SOX6: variants seen among roughly 807,000 people sequenced by gnomAD.
The protein encoded by SOX6 is transcription factor SOX-6.
SOX6 carries 11 observed loss-of-function variants against 97.8 expected under a neutral mutation model. That is an observed-to-expected ratio of 0.11 (90% confidence interval 0.07 to 0.19). The LOEUF (loss-of-function observed/expected upper bound fraction) is 0.19. Among genes scored for constraint, SOX6 ranks in the 10% least tolerant of loss-of-function variants. The probability of loss-of-function intolerance (pLI) is 1.00; values close to 1 mark genes in which losing one functional copy is unlikely to be tolerated. For synonymous variants in SOX6, 360 were observed against 371.4 expected, an observed-to-expected ratio of 0.97 and a Z score of 0.35; for missense variants, 810 against 1,039.5, an observed-to-expected ratio of 0.78 and a Z score of 3.04.
chr11:16,517,394 T>C (rs60406205), intron 4 of SOX6, among the ~76,000 whole-genome samples: 22,637 of 152,002 alleles, frequency 0.15, 1,764 homozygotes, highest in Non-Finnish European at 0.16. Flanking sequence ...AAATTGTCCC[T>C]GTTTGCAGAC....
At chr11:16,269,722 C>A (rs1854192192) in intron 3 of SOX6, among the ~76,000 whole-genome samples, 1 of 150,916 alleles carries the variant, frequency 6.6e-6, no homozygotes, top group Non-Finnish European at 1.5e-5. Context: ...GTTTTTTCTA[C>A]CATTAATTAT....
intron 6 of SOX6, among the ~76,000 whole-genome samples, chr11:16,136,363 T>TTG (rs1849963111): frequency 7.4e-6 from 1 of 135,860 alleles, no homozygotes; most frequent in Non-Finnish European, 1.6e-5. Flanking sequence ...TTTTTTTTTT[T>TTG]GACATAATGC....
chr11:16,068,649 A>G (rs185832588), intron 9 of SOX6, among the ~76,000 whole-genome samples: 1 of 152,244 alleles, frequency 6.6e-6, no homozygotes, highest in East Asian at 1.9e-4. Context: ...TTTATTCCCA[A>G]GTAAATCTCC....
At chr11:16,624,839 G>C (rs796275916) in intron 3 of SOX6, among the ~76,000 whole-genome samples, 1 of 152,136 alleles carries the variant, frequency 6.6e-6, no homozygotes, top group South Asian at 2.1e-4. Flanking sequence ...CATTCTAGAG[G>C]ATGTGTTTTA....
At position 16,090,769 on chromosome 11, in the gene SOX6, A is replaced by G. The variant is rs190405293; in HGVS notation, c.1101+5227T>C. 2.8e-3 allele frequency among the ~76,000 whole-genome samples: 430 copies of G among 152,184 alleles called. 9 individuals carry two copies. Among genetic ancestry groups the G allele is most frequent in the Non-Finnish European group, 2.7e-3 (184 of 67,986 alleles). Reference sequence around the variant, plus strand: ...CCACAGTAAACAAAAGAGACAAAAAATTCCCTGAATTAATTAACTTATACT... The same window carrying G: ...CCACAGTAAACAAAAGAGACAAAAAGTTCCCTGAATTAATTAACTTATACT... On this transcript the variant is annotated intron_variant, in intron 9 of 15. Coordinates refer to ENST00000683767, the MANE Select transcript of SOX6 (RefSeq NM_001367873.1).
At chr11:16,153,675 G>C (rs1294173470) in intron 6 of SOX6, among the ~76,000 whole-genome samples, 2 of 151,972 alleles carry the variant, frequency 1.3e-5, no homozygotes, top group Non-Finnish European at 2.9e-5. Context: ...TCGAACTCTG[G>C]TCTCCCTGCC....
intron 4 of SOX6, among the ~76,000 whole-genome samples, chr11:16,487,450 T>C (rs1203120591): frequency 6.6e-6 from 1 of 152,164 alleles, no homozygotes. Context: ...ATAGATGCCA[T>C]AGTTAGAAGA....
At chr11:16,167,647 C>T (rs924659530) in intron 6 of SOX6, among the ~76,000 whole-genome samples, 2 of 152,150 alleles carry the variant, frequency 1.3e-5, no homozygotes, top group African/African-American at 4.8e-5. Flanking sequence ...AGCTAGCAAG[C>T]CCCCATCAGC....
At chr11:16,318,061 T>C in intron 3 of SOX6, 1 of 411,986 alleles carries the variant, frequency 2.4e-6, no homozygotes, top group Non-Finnish European at 4.8e-6. Context: ...ATTTTTAATT[T>C]TGCTTTTTAA....
chr11:16,469,980 G>A (rs907978833), intron 1 of SOX6, among the ~76,000 whole-genome samples: 3 of 152,018 alleles, frequency 2.0e-5, no homozygotes, highest in Non-Finnish European at 4.4e-5. Context: ...AGCTTAAAAT[G>A]TAATGGGTAT....
intron 1 of SOX6, among the ~76,000 whole-genome samples, chr11:16,456,260 G>C (rs1017020710): frequency 2.0e-5 from 3 of 152,046 alleles, no homozygotes; most frequent in Non-Finnish European, 4.4e-5. Flanking sequence ...ATTGGGCCAA[G>C]GTTTGTCAAG....
At position 16,047,160 on chromosome 11, in the gene SOX6, G is replaced by GA. The variant is rs760762160; in HGVS notation, c.1436-460dup. On this transcript the variant is annotated intron_variant, in intron 11 of 15. Transcript: ENST00000683767. ...ACAACACAGTCATTTCTGGCCCGCAGAAAAAATAAAAAAATCTGTGAGGCC... is the reference window on the plus strand; with the variant it reads ...ACAACACAGTCATTTCTGGCCCGCAGAAAAAAATAAAAAAATCTGTGAGGCC... Among the ~76,000 whole-genome samples, 19 of 152,076 alleles carry GA rather than the reference G, an allele frequency of 1.2e-4. No individual in the cohort carries two copies. In the East Asian group the frequency reaches 2.7e-3, roughly 22 times the overall value.
At chr11:16,518,071 G>A (rs1488094532) in intron 4 of SOX6, among the ~76,000 whole-genome samples, 1 of 152,052 alleles carries the variant, frequency 6.6e-6, no homozygotes, top group Non-Finnish European at 1.5e-5. Context: ...CATGTCACTA[G>A]TATGTTCAAA....
At chr11:15,980,860 C>T (rs923227922) in intron 15 of SOX6, among the ~76,000 whole-genome samples, 6 of 152,034 alleles carry the variant, frequency 3.9e-5, no homozygotes, top group Admixed American at 1.3e-4. Context: ...CAGTGCTGTG[C>T]CATGTCTTGT....
chr11:15,977,897 A>C (rs1477350225), intron 15 of SOX6, among the ~76,000 whole-genome samples: 1 of 152,048 alleles, frequency 6.6e-6, no homozygotes, highest in African/African-American at 2.4e-5. Context: ...TTCATGGAGA[A>C]ATTAGAAGCA....
intron 3 of SOX6, among the ~76,000 whole-genome samples, chr11:16,276,288 A>T (rs1216792583): frequency 6.6e-6 from 1 of 152,220 alleles, no homozygotes; most frequent in Non-Finnish European, 1.5e-5. Flanking sequence ...GGTAGAAACT[A>T]AACCTAAAGA....
intron 6 of SOX6, among the ~76,000 whole-genome samples, chr11:16,174,902 A>T (rs759401314): frequency 1.3e-5 from 2 of 151,956 alleles, no homozygotes; most frequent in African/African-American, 2.4e-5. Flanking sequence ...GAGAGGTGAG[A>T]ATTTGACTCT....
intron 1 of SOX6, among the ~76,000 whole-genome samples, chr11:16,464,112 T>C (rs1413358278): frequency 1.3e-5 from 2 of 152,238 alleles, no homozygotes; most frequent in Non-Finnish European, 2.9e-5. Context: ...ATTATTTCTC[T>C]ATCCTGTTCT....
At chr11:16,494,122 T>G (rs1056164874) in intron 4 of SOX6, among the ~76,000 whole-genome samples, 1 of 152,078 alleles carries the variant, frequency 6.6e-6, no homozygotes, top group Admixed American at 6.6e-5. Context: ...CATGCCTGTA[T>G]CCCAGCACTT....
Sources: gnomAD v4.1 joint callset for allele counts (sites outside exome capture counted in the v4.1 genomes callset) on GRCh38, gnomAD v4.1.1 for gene constraint, MANE v1.5 for transcripts, NCBI Gene and HGNC (gene_info 2026-07-23, HGNC 2026-07-21) for gene names.